Variants in HLA-G observed in about 807,000 individuals in gnomAD.
The protein encoded by HLA-G is major histocompatibility complex, class I, G, also known as HLA class I histocompatibility antigen, alpha chain G.
In HLA-G, 34 loss-of-function variants were observed where a neutral mutation model predicts 39.3. The ratio of observed to expected loss-of-function variants is 0.86; its 90% confidence interval spans 0.66 to 1.15. The LOEUF is 1.15. HLA-G is among the 50% of genes most tolerant of loss of function. The probability of loss-of-function intolerance (pLI) is 0.00; values close to 1 mark genes in which losing one functional copy is unlikely to be tolerated. For synonymous variants in HLA-G, 183 were observed against 185.8 expected (o/e 0.99, Z 0.12); for missense variants, 419 against 456.4 (o/e 0.92, Z 0.75).
upstream of HLA-G, chr6:29,827,790 C>T (rs1280664146): frequency 1.3e-6 from 2 of 1,555,488 alleles, no homozygotes; most frequent in African/African-American, 2.7e-5. Context: ...CGCCGCGGTC[C>T]TGGTTCTAAA....
Position 29,827,992 on chromosome 6 carries a change from C to T in HLA-G, c.74-55C>T, listed in dbSNP as rs1257755833. 213 of 1,592,406 alleles carry T rather than the reference C, an allele frequency of 1.3e-4. 1 individual carries two copies. Among genetic ancestry groups the T allele is most frequent in the Non-Finnish European group, 1.7e-4 (201 of 1,170,622 alleles). On this transcript the variant is annotated intron_variant, in intron 1 of 6. Coordinates refer to ENST00000360323, the MANE Select transcript of HLA-G (RefSeq NM_001384290.1). ...GCCGGCCCGGCGGGGGCGCAGGACTCGGCAGCCGCGCCGGGAGGAGGGTCG... is the reference window on the plus strand; with the variant it reads ...GCCGGCCCGGCGGGGGCGCAGGACTTGGCAGCCGCGCCGGGAGGAGGGTCG...
At chr6:29,829,155 G>C (rs879112816) in intron 3 of HLA-G, among the ~76,000 whole-genome samples, 4 of 151,496 alleles carry the variant, frequency 2.6e-5, no homozygotes, top group South Asian at 2.1e-4. Flanking sequence ...CAATGTGTGT[G>C]GGGGTCTGAC....
chr6:29,827,771 A>C, upstream of HLA-G: 1 of 1,447,478 alleles, frequency 6.9e-7, no homozygotes, highest in African/African-American at 1.4e-5. Context: ...TAGAGAAGCC[A>C]ATCAGCGTCG....
rs55916353 is a variant in HLA-G, at chr6:29,828,746, T to C, written c.547T>C (p.Tyr183His). 195 of 1,613,936 alleles carry C rather than the reference T, an allele frequency of 1.2e-4. 1 individual carries two copies. In the Middle Eastern group the frequency reaches 2.5e-3, roughly 20 times the overall value. ...CAATGTGGCTGAACAAAGGAGAGCC[T>C]ACCTGGAGGGCACGTGCGTGGAGTG... The part of the protein sequence containing the change: ...AANVAEQRRA[Y>H]LEGTCVEWLH... Residue 183 changes from tyrosine (Y) to histidine (H), a missense_variant, in exon 3 of 7, where the codon TAC becomes CAC. This residue lies in a region of HLA-G where 328 missense variants were observed against 323.0 expected (regional missense o/e 1.02). Coordinates refer to ENST00000360323, the MANE Select transcript of HLA-G (RefSeq NM_001384290.1).
Position 29,831,017 on chromosome 6 carries a change from A to G in HLA-G, c.*278A>G, listed in dbSNP as rs9380142. The G allele has an allele frequency of 0.24, 44,013 of 180,534 alleles. 6,007 individuals are homozygous for G. Among genetic ancestry groups the G allele is most frequent in the East Asian group, 0.31 (1,894 of 6,084 alleles). 11.2% of individuals were successfully genotyped at this position (180,534 alleles called of 1,614,324 possible). ...TCTGTATTAAAATTAGAATCTGAGT[A>G]TAAATTTACTTTTTCAAATTATTTC... is the stretch of plus-strand genomic sequence containing the variant. On this transcript the variant is annotated 3_prime_UTR_variant, in exon 7 of 7. Transcript: ENST00000360323.
chr6:29,828,005 G>A (rs1460340074), intron 1 of HLA-G, 42 bp from the exon 2 acceptor site: 2 of 1,600,114 alleles, frequency 1.2e-6, no homozygotes, highest in Non-Finnish European at 1.7e-6. Context: ...CAGCCGCGCC[G>A]GGAGGAGGGT....
At chr6:29,827,984 G>A in intron 1 of HLA-G, 63 bp from the exon 2 acceptor site, 6 of 1,589,814 alleles carry the variant, frequency 3.8e-6, no homozygotes, top group South Asian at 3.4e-5. Flanking sequence ...CGGCGGGGGC[G>A]CAGGACTCGG....
At chr6:29,828,008 A>AGG (rs1760831973) in intron 1 of HLA-G, 39 bp from the exon 2 acceptor site, 1 of 1,601,326 alleles carries the variant, frequency 6.2e-7, no homozygotes, top group African/African-American at 1.3e-5. Flanking sequence ...CCGCGCCGGG[A>AGG]GGAGGGTCGG....
chr6:29,829,942 G>A lies in HLA-G; in HGVS notation c.1012+10G>A, dbSNP rs1185551326. 1.9e-6 allele frequency: 3 copies of A among 1,587,294 alleles called. No homozygotes were observed. Among genetic ancestry groups the A allele is most frequent in the African/African-American group, 2.7e-5 (2 of 74,216 alleles). The stretch of plus-strand genomic sequence containing the variant: ...AGAAAGAAGAGCTCAGGTAAGGAAG[G>A]GGTGACAAGTGGGGTCTGAGTTTTC... On this transcript the variant is annotated intron_variant, in intron 5 of 6. Transcript: ENST00000360323.
upstream of HLA-G, chr6:29,827,755 G>A (rs924682241): frequency 1.6e-5 from 21 of 1,327,518 alleles, no homozygotes; most frequent in African/African-American, 3.0e-4. Flanking sequence ...TTAGGTGACA[G>A]GTTTTTAGAG....
At chr6:29,830,546 AC>A (rs1358987493) in intron 6 of HLA-G, 136 bp downstream of exon 6, 1 of 850,580 alleles carries the variant, frequency 1.2e-6, no homozygotes. Flanking sequence ...TTTTTGTTCT[AC>A]TCTAGGCAGT....
At chr6:29,827,374 T>C (rs995209034), upstream of HLA-G, 4 of 347,520 alleles carry the variant, frequency 1.2e-5, no homozygotes, top group African/African-American at 8.6e-5. Context: ...CTCCCTGGGG[T>C]GATTTTTCTT....
chr6:29,829,324 A>G (rs1213248389), intron 3 of HLA-G, 94 bp from the exon 4 acceptor site: 2 of 1,359,888 alleles, frequency 1.5e-6, no homozygotes, highest in East Asian at 2.3e-5. Flanking sequence ...CACCCCAGGT[A>G]TCTGGTTCAT....
At chr6:29,827,404 C>G, upstream of HLA-G, 1 of 352,884 alleles carries the variant, frequency 2.8e-6, no homozygotes, top group Non-Finnish European at 5.5e-6. Context: ...TACAGGAGGA[C>G]AGGCAAGGAG....
At chr6:29,829,783 G>T (rs536606226) in intron 4 of HLA-G, 33 bp from the exon 5 acceptor site, 4 of 1,602,606 alleles carry the variant, frequency 2.5e-6, no homozygotes, top group Non-Finnish European at 2.6e-6. Flanking sequence ...AGGGCTGGGG[G>T]TCAGAGACCC....
In HLA-G at chr6:29,828,645, C is replaced by T; in HGVS notation, c.446C>T (p.Ala149Val). Residue 149 changes from alanine (A) to valine (V), a missense_variant, in exon 3 of 7, where the codon GCC (alanine) becomes GTC (valine). Ala to Val is a moderately conservative substitution (Grantham distance 64). This residue lies in a region of HLA-G where 328 missense variants were observed against 323.0 expected (regional missense o/e 1.02). Coordinates refer to ENST00000360323, the MANE Select transcript of HLA-G (RefSeq NM_001384290.1). ...GCCTACGATGGCAAGGATTACCTCG[C>T]CCTGAACGAGGACCTGCGCTCCTGG... ...QYAYDGKDYL[A>V]LNEDLRSWTA... 1.9e-6 allele frequency: 3 copies of T among 1,613,002 alleles called. No individual in the cohort carries two copies. The highest frequency in any genetic ancestry group is 2.5e-6 in the Non-Finnish European group (3 of 1,180,042).
rs1414848134 is a variant in HLA-G at position 29,828,134 on chromosome 6, A to T, written c.161A>T (p.Asp54Val). The change falls in exon 2 of 7, where the codon GAC becomes GTC. Residue 54 changes from aspartate to valine, a missense_variant. By Grantham distance (152) the Asp-to-Val change is radical. Transcript: ENST00000360323. ...TTCATCGCCATGGGCTACGTGGACG[A>T]CACGCAGTTCGTGCGGTTCGACAGC... ...PRFIAMGYVD[D>V]TQFVRFDSDS... 1 of 1,613,178 alleles carries T rather than the reference A, an allele frequency of 6.2e-7. No individual in the cohort carries two copies.
Position 29,828,609 on chromosome 6 carries a change from A to G in HLA-G, c.410A>G (p.Tyr137Cys), listed in dbSNP as rs749006959. 6.2e-7 allele frequency: 1 copy of G among 1,613,140 alleles called. No individual in the cohort carries two copies. The highest frequency in any genetic ancestry group is 1.1e-5 in the South Asian group (1 of 91,086). The change falls in exon 3 of 7, where the codon TAT (tyrosine) becomes TGT (cysteine). Residue 137 changes from tyrosine (Y) to cysteine (C), a missense_variant. Tyr to Cys is a radical substitution (Grantham distance 194). Around this residue, in one of 2 missense-constraint regions of HLA-G, gnomAD observed 328 missense variants for 323.0 expected, o/e 1.02. Coordinates refer to ENST00000360323, the MANE Select transcript of HLA-G (RefSeq NM_001384290.1). Reference sequence around the variant, plus strand: ...TCCGACGGACGCCTCCTCCGCGGGTATGAACAGTATGCCTACGATGGCAAG... The same window carrying G: ...TCCGACGGACGCCTCCTCCGCGGGTGTGAACAGTATGCCTACGATGGCAAG... ...LGSDGRLLRGYEQYAYDGKDY... is the reference protein window; with the variant it reads ...LGSDGRLLRGCEQYAYDGKDY...
At position 29,829,862 on chromosome 6, in the gene HLA-G, C is replaced by T. The variant is rs1049033; in HGVS notation, c.942C>T (p.Gly314=). 0.29 allele frequency: 467,472 copies of T among 1,612,362 alleles called. 69,845 individuals are homozygous for T. The highest frequency in any genetic ancestry group is 0.31 in the Middle Eastern group (1,858 of 6,056). ...PTIPIMGIVA[G]LVVLAAVVTG... Reference sequence around the variant, plus strand: ...TCCCCATCATGGGTATCGTTGCTGGCCTGGTTGTCCTTGCAGCTGTAGTCA... The same window carrying T: ...TCCCCATCATGGGTATCGTTGCTGGTCTGGTTGTCCTTGCAGCTGTAGTCA... Residue 314 remains glycine, a synonymous_variant, in exon 5 of 7, where the codon GGC becomes GGT. Coordinates refer to ENST00000360323, the MANE Select transcript of HLA-G (RefSeq NM_001384290.1).
Sources: allele counts gnomAD v4.1 joint callset (sites outside exome capture counted in the v4.1 genomes callset), GRCh38; gene constraint gnomAD v4.1.1; regional missense constraint gnomAD v4.1.1; transcripts MANE v1.5; gene names NCBI Gene and HGNC (gene_info 2026-07-23, HGNC 2026-07-21).